TNKS: variants seen among roughly 807,000 people sequenced by gnomAD.
The protein encoded by TNKS is poly [ADP-ribose] polymerase tankyrase-1.
Under a neutral mutation model 135.8 loss-of-function variants are expected in TNKS, and 72 were observed. The observed-to-expected ratio is 0.53, with a 90% CI of 0.44 to 0.64. The LOEUF (loss-of-function observed/expected upper bound fraction) is 0.64. Ranked by LOEUF, TNKS falls within the 30% of genes least tolerant of loss-of-function variation. The pLI is 0.00. For missense variants in TNKS, 1,769 were observed against 1,674.0 expected, an observed-to-expected ratio of 1.06 and a Z score of -0.99; for synonymous variants, 849 against 649.3, an observed-to-expected ratio of 1.31 and a Z score of -4.68.
chr8:9,672,946 T>C (rs564780544), intron 3 of TNKS, among the ~76,000 whole-genome samples: 1 of 152,322 alleles, frequency 6.6e-6, no homozygotes, highest in African/African-American at 2.4e-5. Context: ...TCACAAAGGC[T>C]GTTTTCTTTT....
At chr8:9,699,039 C>A (rs780279354) in intron 5 of TNKS, among the ~76,000 whole-genome samples, 1 of 152,156 alleles carries the variant, frequency 6.6e-6, no homozygotes, top group Non-Finnish European at 1.5e-5. Flanking sequence ...ATGATCCTAA[C>A]AGAAACGTCT....
At chr8:9,722,606 G>A (rs1359039805) in intron 12 of TNKS, 1 of 150,018 alleles carries the variant, frequency 6.7e-6, no homozygotes, top group Non-Finnish European at 1.5e-5. Context: ...TGGAGTGATA[G>A]AACATTTGCT....
intron 2 of TNKS, among the ~76,000 whole-genome samples, chr8:9,604,013 G>C (rs919162998): frequency 5.9e-5 from 9 of 151,850 alleles, no homozygotes; most frequent in African/African-American, 2.2e-4. Context: ...AATAAAAAGA[G>C]GAAGTAAAAT....
intron 3 of TNKS, among the ~76,000 whole-genome samples, chr8:9,622,275 A>C (rs1433881148): frequency 6.6e-6 from 1 of 152,196 alleles, no homozygotes; most frequent in African/African-American, 2.4e-5. Flanking sequence ...TATTAGCAGC[A>C]GGTATTTGTT....
chr8:9,672,707 CACACAAAAAA>C (rs1179156493), intron 3 of TNKS, among the ~76,000 whole-genome samples: 13 of 104,320 alleles, frequency 1.2e-4, no homozygotes, highest in African/African-American at 3.6e-4. Context: ...CACACACACA[CACACAAAAAA>C]AAAAAAACAA....
chr8:9,698,374 G>GAAAAGAAAA (rs1803623536), intron 5 of TNKS, among the ~76,000 whole-genome samples: 1 of 98,762 alleles, frequency 1.0e-5, no homozygotes, highest in African/African-American at 4.0e-5. Flanking sequence ...ATTTTAAAAT[G>GAAAAGAAAA]AAAAAAAAAA....
chr8:9,636,999 T>C (rs1157005962), intron 3 of TNKS, among the ~76,000 whole-genome samples: 1 of 152,210 alleles, frequency 6.6e-6, no homozygotes, highest in Non-Finnish European at 1.5e-5. Context: ...AGACCTTTAT[T>C]GATGTGGATG....
At chr8:9,690,946 C>G (rs990199924) in intron 5 of TNKS, among the ~76,000 whole-genome samples, 2 of 152,142 alleles carry the variant, frequency 1.3e-5, no homozygotes, top group South Asian at 4.1e-4. Flanking sequence ...CTAGTTCAAC[C>G]TCCCAATGCA....
rs933928315 is a variant in TNKS at position 9,562,679 on chromosome 8, A to G, written c.673+6067A>G. On this transcript the variant is annotated intron_variant, in intron 1 of 26. Transcript: ENST00000310430. ...ATACTTCCAATTCAAACTCAGAACT[A>G]TAGGGTTTTTACTTACCTCTTCTAT... is the stretch of plus-strand genomic sequence containing the variant. Among the ~76,000 whole-genome samples, 6 of 152,278 alleles carry G rather than the reference A, an allele frequency of 3.9e-5. No homozygotes were observed. The East Asian group carries it at 1.2e-3, about 29-fold the overall frequency.
chr8:9,663,699 C>G (rs757065507), intron 3 of TNKS, among the ~76,000 whole-genome samples: 2 of 152,172 alleles, frequency 1.3e-5, no homozygotes, highest in African/African-American at 2.4e-5. Flanking sequence ...TAATTATTTG[C>G]TAGTGGTGCC....
chr8:9,775,727 T>C lies in TNKS; in HGVS notation c.3898-923T>C, dbSNP rs1015435365. 4.6e-5 allele frequency among the ~76,000 whole-genome samples: 7 copies of C among 152,100 alleles called. No individual in the cohort carries two copies. In the East Asian group the frequency reaches 9.7e-4, roughly 21 times the overall value. On this transcript the variant is annotated intron_variant, in intron 26 of 26. Coordinates refer to ENST00000310430, the MANE Select transcript of TNKS (RefSeq NM_003747.3). ...ATCTTTCTTTCCTTTTATTATCTTA[T>C]CCTGTATCTATATGCAAGTAGTTTG...
At chr8:9,594,789 C>G (rs965821489) in intron 2 of TNKS, among the ~76,000 whole-genome samples, 1 of 152,140 alleles carries the variant, frequency 6.6e-6, no homozygotes, top group East Asian at 1.9e-4. Flanking sequence ...CTTTTCATTA[C>G]ATATATGTAT....
chr8:9,603,157 A>G (rs1307485870), intron 2 of TNKS, among the ~76,000 whole-genome samples: 1 of 151,958 alleles, frequency 6.6e-6, no homozygotes, highest in Admixed American at 6.6e-5. Context: ...GTTTCAGGCC[A>G]TTCTCCTGCC....
In TNKS at chr8:9,580,277, T is replaced by A; in HGVS notation, c.792T>A (p.Val264=). 2.5e-6 allele frequency: 4 copies of A among 1,614,198 alleles called. No homozygotes were observed. Among genetic ancestry groups the A allele is most frequent in the Non-Finnish European group, 2.5e-6 (3 of 1,180,024 alleles). The change falls in exon 2 of 27, where the codon GTT becomes GTA. Residue 264 remains valine, a synonymous_variant. Transcript: ENST00000310430. ...CCTGTTCTTTTGGCCATGCTGAGGT[T>A]GTGAGTCTGTTATTGTGCCAAGGAG... ...HNACSFGHAE[V]VSLLLCQGAD... is the part of the protein sequence containing the mutation.
At chr8:9,619,585 A>G (rs752996884) in intron 3 of TNKS, among the ~76,000 whole-genome samples, 4 of 152,134 alleles carry the variant, frequency 2.6e-5, no homozygotes, top group Non-Finnish European at 5.9e-5. Flanking sequence ...ATATGTTTGC[A>G]TTCAGGTGTC....
chr8:9,704,742 A>T lies in TNKS; in HGVS notation c.1187A>T (p.His396Leu). Residue 396 changes from histidine to leucine, a missense_variant, in exon 6 of 27, where the codon CAT (histidine) becomes CTT (leucine). By Grantham distance (99) the His-to-Leu change is moderately conservative. This residue lies in a region of TNKS where 523 missense variants were observed against 541.0 expected (regional missense o/e 0.97). Coordinates refer to ENST00000310430, the MANE Select transcript of TNKS (RefSeq NM_003747.3). ...CTTCTTCAGCATGGTGCTGATGTTC[A>T]TGCAAAAGACAAAGGGTAGGTCTAT... is the stretch of plus-strand genomic sequence containing the variant. ...QLLLQHGADVHAKDKGGLVPL... is the reference protein window; with the variant it reads ...QLLLQHGADVLAKDKGGLVPL... 6.2e-7 allele frequency: 1 copy of T among 1,613,036 alleles called. No individual in the cohort carries two copies. The highest frequency in any genetic ancestry group is 8.5e-7 in the Non-Finnish European group (1 of 1,179,210).
At position 9,556,236 on chromosome 8, in the gene TNKS, C is replaced by T; in HGVS notation, c.297C>T (p.Val99=). The change falls in exon 1 of 27, where the codon GTC becomes GTT. Residue 99 remains valine, a synonymous_variant. Transcript: ENST00000310430. ...GTACCACCAGCACAATCTGTACCGTCGCCGCCGCTCCCGTGGTCCCAGCGG... is the reference window on the plus strand; with the variant it reads ...GTACCACCAGCACAATCTGTACCGTTGCCGCCGCTCCCGTGGTCCCAGCGG... ...CCSTTSTICT[V]AAAPVVPAVS... 1 of 1,614,214 alleles carries T rather than the reference C, an allele frequency of 6.2e-7. No homozygotes were observed. Among genetic ancestry groups the T allele is most frequent in the Non-Finnish European group, 8.5e-7 (1 of 1,180,036 alleles).
chr8:9,676,964 C>G (rs1802567573), intron 3 of TNKS, among the ~76,000 whole-genome samples: 1 of 152,122 alleles, frequency 6.6e-6, no homozygotes, highest in Non-Finnish European at 1.5e-5. Context: ...AATATAAATG[C>G]TCCATAGAGC....
At chr8:9,726,841 G>T in intron 13 of TNKS, 121 bp downstream of exon 13, 2 of 798,234 alleles carry the variant, frequency 2.5e-6, no homozygotes, top group Non-Finnish European at 4.0e-6. Flanking sequence ...AGAGTCATGG[G>T]CAGGAAAAAT....
Sources: gnomAD v4.1 joint callset for allele counts (sites outside exome capture counted in the v4.1 genomes callset) on GRCh38, gnomAD v4.1.1 for gene constraint, gnomAD v4.1.1 regional missense constraint, MANE v1.5 for transcripts, NCBI Gene and HGNC (gene_info 2026-07-23, HGNC 2026-07-21) for gene names.